Variants in HCRTR2 observed in about 807,000 individuals in gnomAD.
HCRTR2 encodes hypocretin receptor 2.
Under a neutral mutation model 49.0 loss-of-function variants are expected in HCRTR2, and 22 were observed. That is an observed-to-expected ratio of 0.45 (90% confidence interval 0.32 to 0.64). HCRTR2 has a LOEUF of 0.64. HCRTR2 is among the 30% of genes least tolerant of loss of function. HCRTR2 has a pLI of 0.04. For missense variants in HCRTR2, 491 were observed against 559.4 expected (o/e 0.88, Z 1.23); for synonymous variants, 236 against 205.3 (o/e 1.15, Z -1.28).
intron 1 of HCRTR2, among the ~76,000 whole-genome samples, chr6:55,216,184 CA>C (rs1201554134): frequency 6.6e-5 from 10 of 152,096 alleles, no homozygotes; most frequent in Non-Finnish European, 1.5e-4. Context: ...AAACCTTTCT[CA>C]AAAAACCCAT....
intron 1 of HCRTR2, among the ~76,000 whole-genome samples, chr6:55,214,225 C>A (rs1028221491): frequency 6.6e-6 from 1 of 151,582 alleles, no homozygotes; most frequent in African/African-American, 2.4e-5. Context: ...GATGAATTTG[C>A]AAAAAAAGAA....
intron 1 of HCRTR2, among the ~76,000 whole-genome samples, chr6:55,202,850 T>C (rs1765535289): frequency 6.6e-6 from 1 of 152,106 alleles, no homozygotes; most frequent in Admixed American, 6.6e-5. Flanking sequence ...GATATGGTAG[T>C]TTAAAGCATG....
chr6:55,195,824 CG>C lies in HCRTR2; in HGVS notation c.223+21017del, dbSNP rs1404427008. On this transcript the variant is annotated intron_variant, in intron 1 of 6. Coordinates refer to ENST00000370862, the MANE Select transcript of HCRTR2 (RefSeq NM_001384272.1). Reference sequence around the variant, plus strand: ...TCTACTAAAAATACAAAAAATTAGCCGGGTGTGGTGGTGGGTGCCTGTAGTC... The same window carrying C: ...TCTACTAAAAATACAAAAAATTAGCCGGTGTGGTGGTGGGTGCCTGTAGTC... 3.3e-5 allele frequency among the ~76,000 whole-genome samples: 5 copies of C among 151,904 alleles called. No homozygotes were observed. The East Asian group carries it at 7.8e-4, about 24-fold the overall frequency.
At chr6:55,248,858 T>G (rs1485421935) in intron 2 of HCRTR2, 41 bp downstream of exon 2, 1 of 1,551,820 alleles carries the variant, frequency 6.4e-7, no homozygotes, top group Non-Finnish European at 8.9e-7. Context: ...CTAAAAAGAA[T>G]GTTCAGCCAT....
At chr6:55,179,265 T>G in intron 1 of HCRTR2, among the ~76,000 whole-genome samples, 1 of 152,294 alleles carries the variant, frequency 6.6e-6, no homozygotes, top group Non-Finnish European at 1.5e-5. Context: ...AAAGGGGTTA[T>G]TTCTAAACCC....
At chr6:55,133,115 C>T (rs1453632076) in intron 1 of HCRTR2, among the ~76,000 whole-genome samples, 1 of 151,726 alleles carries the variant, frequency 6.6e-6, no homozygotes, top group African/African-American at 2.4e-5. Context: ...TTAATTGATA[C>T]AATATGTTTG....
intron 1 of HCRTR2, among the ~76,000 whole-genome samples, chr6:55,181,773 G>A (rs1003739696): frequency 6.6e-6 from 1 of 152,172 alleles, no homozygotes; most frequent in Non-Finnish European, 1.5e-5. Context: ...GCCAGGATGA[G>A]GTGTGTAATT....
At chr6:55,136,408 T>C (rs1248165113) in intron 1 of HCRTR2, among the ~76,000 whole-genome samples, 3 of 152,172 alleles carry the variant, frequency 2.0e-5, no homozygotes, top group Non-Finnish European at 4.4e-5. Flanking sequence ...GGTCTTTTTA[T>C]TTACTTTGTC....
chr6:55,261,779 A>G (rs949866405), intron 3 of HCRTR2, among the ~76,000 whole-genome samples: 1 of 152,212 alleles, frequency 6.6e-6, no homozygotes, highest in African/African-American at 2.4e-5. Context: ...CTACTCTGGT[A>G]GCTACCCAGA....
chr6:55,121,812 C>T (rs1475507260), intron 1 of HCRTR2, among the ~76,000 whole-genome samples: 1 of 152,020 alleles, frequency 6.6e-6, no homozygotes, highest in Non-Finnish European at 1.5e-5. Flanking sequence ...GGATGAAGCC[C>T]ACTTGATCAT....
At chr6:55,283,121 T>C (rs1222180644), downstream of HCRTR2, among the ~76,000 whole-genome samples, 2 of 152,352 alleles carry the variant, frequency 1.3e-5, no homozygotes, top group Non-Finnish European at 1.5e-5. Context: ...GTAATTTCCA[T>C]CTCTAACACT....
At chr6:55,233,562 TGG>T (rs1766157548) in intron 1 of HCRTR2, among the ~76,000 whole-genome samples, 1 of 152,144 alleles carries the variant, frequency 6.6e-6, no homozygotes, top group African/African-American at 2.4e-5. Context: ...CCAGGCATGG[TGG>T]TGCACACCTA....
intron 1 of HCRTR2, among the ~76,000 whole-genome samples, chr6:55,107,902 C>A (rs1360717969): frequency 6.6e-6 from 1 of 152,016 alleles, no homozygotes; most frequent in Non-Finnish European, 1.5e-5. Flanking sequence ...TTTCTAAATA[C>A]CCTTCATAAT....
At chr6:55,253,257 T>C (rs544499836) in intron 2 of HCRTR2, among the ~76,000 whole-genome samples, 1 of 152,000 alleles carries the variant, frequency 6.6e-6, no homozygotes, top group Admixed American at 6.6e-5. Context: ...GGCCTAAAGC[T>C]GTAAAGTGAG....
chr6:55,142,500 C>T (rs1047598858), intron 1 of HCRTR2, among the ~76,000 whole-genome samples: 5 of 151,884 alleles, frequency 3.3e-5, no homozygotes, highest in African/African-American at 4.8e-5. Context: ...AGCCACCGGG[C>T]CCGGCCTCAA....
chr6:55,162,390 G>T (rs927728128), intron 1 of HCRTR2, among the ~76,000 whole-genome samples: 31 of 152,128 alleles, frequency 2.0e-4, no homozygotes, highest in Non-Finnish European at 2.9e-4. Flanking sequence ...CATACTGAAT[G>T]GGCAAAAGCT....
chr6:55,141,099 C>T (rs971081048), intron 1 of HCRTR2, among the ~76,000 whole-genome samples: 7 of 151,876 alleles, frequency 4.6e-5, no homozygotes, highest in Non-Finnish European at 1.0e-4. Flanking sequence ...CTTTGGGAGG[C>T]CGATGTGGGT....
chr6:55,162,734 C>G (rs1174133430), intron 1 of HCRTR2, among the ~76,000 whole-genome samples: 7 of 151,270 alleles, frequency 4.6e-5, no homozygotes. Context: ...AACTCCCATT[C>G]AAAATACCTA....
At chr6:55,239,509 T>C (rs192564966) in intron 1 of HCRTR2, among the ~76,000 whole-genome samples, 11 of 152,344 alleles carry the variant, frequency 7.2e-5, no homozygotes, top group Admixed American at 2.0e-4. Flanking sequence ...CATTTGTGTG[T>C]GTGAAGATAC....
Sources: allele counts gnomAD v4.1 joint callset (sites outside exome capture counted in the v4.1 genomes callset), GRCh38; gene constraint gnomAD v4.1.1; transcripts MANE v1.5; gene names NCBI Gene and HGNC (gene_info 2026-07-23, HGNC 2026-07-21).